Variants in CSMD1 observed in about 807,000 individuals in gnomAD.
CSMD1 encodes CUB and sushi domain-containing protein 1.
In CSMD1, 213 loss-of-function variants were observed where a neutral mutation model predicts 417.5. That is an observed-to-expected ratio of 0.51 (90% confidence interval 0.46 to 0.57). The LOEUF (loss-of-function observed/expected upper bound fraction) is 0.57, where lower values mean the gene tolerates loss of function less well. Among genes scored for constraint, CSMD1 ranks in the 20% least tolerant of loss-of-function variants. The probability of loss-of-function intolerance (pLI) is 0.00; values close to 1 mark genes in which losing one functional copy is unlikely to be tolerated. For missense variants in CSMD1, 6,923 were observed against 4,529.7 expected (o/e 1.53, Z -15.17); for synonymous variants, 2,862 against 1,736.8 (o/e 1.65, Z -16.11).
At chr8:3,293,090 T>G (rs373473258) in intron 25 of CSMD1, among the ~76,000 whole-genome samples, 1 of 152,156 alleles carries the variant, frequency 6.6e-6, no homozygotes, top group South Asian at 2.1e-4. Flanking sequence ...TTATGAAGCT[T>G]AGTTTGGCTG....
At chr8:3,398,114 A>G in intron 16 of CSMD1, among the ~76,000 whole-genome samples, 1 of 152,200 alleles carries the variant, frequency 6.6e-6, no homozygotes, top group East Asian at 1.9e-4. Context: ...GGCAACTGAA[A>G]ATAGAGGGCT....
At chr8:4,371,191 G>A (rs1452700601) in intron 3 of CSMD1, among the ~76,000 whole-genome samples, 1 of 152,114 alleles carries the variant, frequency 6.6e-6, no homozygotes, top group African/African-American at 2.4e-5. Flanking sequence ...TAGGGGTCAA[G>A]GCTCAGCTCC....
chr8:3,805,321 G>A (rs541916008), intron 5 of CSMD1, among the ~76,000 whole-genome samples: 4 of 152,212 alleles, frequency 2.6e-5, no homozygotes, highest in Non-Finnish European at 4.4e-5. Flanking sequence ...CAGCCTCAAA[G>A]GCAAGAAGCT....
At position 3,962,529 on chromosome 8, in the gene CSMD1, A is replaced by T. The variant is rs575931096; in HGVS notation, c.818+35374T>A. Among the ~76,000 whole-genome samples, 3 of 152,312 alleles carry T rather than the reference A, an allele frequency of 2.0e-5. No homozygotes were observed. In the East Asian group the frequency reaches 5.8e-4, roughly 29 times the overall value. ...AACCCCTATATTAACGTAATAGGCT[A>T]ATCGCAGGTAAGCAAAGTGTAGGGG... On this transcript the variant is annotated intron_variant, in intron 5 of 69. Transcript: ENST00000635120.
intron 7 of CSMD1, among the ~76,000 whole-genome samples, chr8:3,707,093 C>G (rs1404436910): frequency 6.6e-6 from 1 of 152,106 alleles, no homozygotes; most frequent in Non-Finnish European, 1.5e-5. Flanking sequence ...ACATGTTTAC[C>G]TCTCTGTCCT....
At chr8:2,948,295 T>C (rs1015402116) in intron 68 of CSMD1, among the ~76,000 whole-genome samples, 2 of 151,960 alleles carry the variant, frequency 1.3e-5, no homozygotes, top group African/African-American at 4.8e-5. Flanking sequence ...TATACTGAGA[T>C]TTAAGATGAA....
chr8:3,163,869 T>C (rs1820050530), intron 37 of CSMD1, among the ~76,000 whole-genome samples: 1 of 152,148 alleles, frequency 6.6e-6, no homozygotes, highest in Non-Finnish European at 1.5e-5. Context: ...GTGTCTGATA[T>C]TAAACAAAAG....
At chr8:4,383,978 C>G (rs1455790096) in intron 3 of CSMD1, among the ~76,000 whole-genome samples, 1 of 152,140 alleles carries the variant, frequency 6.6e-6, no homozygotes. Context: ...ACAGCATACC[C>G]TTTAAGTAGC....
In CSMD1 at chr8:4,629,882, T is replaced by C. The variant is rs182421953; in HGVS notation, c.302+7460A>G. On this transcript the variant is annotated intron_variant, in intron 2 of 69. Coordinates refer to ENST00000635120, the MANE Select transcript of CSMD1 (RefSeq NM_033225.6). The stretch of plus-strand genomic sequence containing the variant: ...TGTTCTTCTGTTCCCTTTGTGTAAA[T>C]CTGAATGCTTTTCCTTAGGCTTTAA... 4.0e-3 allele frequency among the ~76,000 whole-genome samples: 611 copies of C among 152,288 alleles called. 7 individuals are homozygous for C. The highest frequency in any genetic ancestry group is 0.014 in the African/African-American group (589 of 41,556).
chr8:4,187,001 T>G (rs188008938), intron 3 of CSMD1, among the ~76,000 whole-genome samples: 2 of 152,000 alleles, frequency 1.3e-5, no homozygotes, highest in Non-Finnish European at 1.5e-5. Context: ...TAAATAAAAA[T>G]AAAATAACAA....
chr8:3,904,233 T>G (rs574896737), intron 5 of CSMD1, among the ~76,000 whole-genome samples: 26 of 152,238 alleles, frequency 1.7e-4, no homozygotes, highest in African/African-American at 5.8e-4. Context: ...AGGAGCTGAG[T>G]TAGGGTAGAG....
chr8:2,992,394 T>A (rs1225156403), intron 54 of CSMD1, among the ~76,000 whole-genome samples: 2 of 152,082 alleles, frequency 1.3e-5, no homozygotes, highest in African/African-American at 4.8e-5. Flanking sequence ...TTAGAACGGT[T>A]AACTAGGTCG....
chr8:4,787,993 A>C (rs1477652156), intron 1 of CSMD1: 5 of 1,593,824 alleles, frequency 3.1e-6, no homozygotes, highest in Admixed American at 1.7e-5. Flanking sequence ...CAGAAAGACA[A>C]ACAGTGTTAT....
Position 4,450,178 on chromosome 8 carries a change from C to A in CSMD1, c.303-30113G>T, listed in dbSNP as rs541774706. Reference sequence around the variant, plus strand: ...AATGGTTGATATACGTAGAGTAAAACCGAACTGGGCAACAATTGAAGTTAC... The same window carrying A: ...AATGGTTGATATACGTAGAGTAAAAACGAACTGGGCAACAATTGAAGTTAC... On this transcript the variant is annotated intron_variant, in intron 2 of 69. Transcript: ENST00000635120. 7.2e-5 allele frequency among the ~76,000 whole-genome samples: 11 copies of A among 152,238 alleles called. No individual in the cohort carries two copies. In the East Asian group the frequency reaches 1.7e-3, roughly 24 times the overall value.
intron 5 of CSMD1, among the ~76,000 whole-genome samples, chr8:3,817,903 T>G (rs747578748): frequency 1.3e-5 from 2 of 152,190 alleles, no homozygotes; most frequent in Non-Finnish European, 2.9e-5. Flanking sequence ...AGATGCAGAT[T>G]CAGCCCTGTT....
At chr8:4,300,384 G>T (rs188616500) in intron 3 of CSMD1, among the ~76,000 whole-genome samples, 34 of 152,214 alleles carry the variant, frequency 2.2e-4, no homozygotes, top group African/African-American at 7.9e-4. Flanking sequence ...CTCAATATAT[G>T]CTCCATCAAC....
chr8:4,440,880 C>T (rs1010580950), intron 2 of CSMD1, among the ~76,000 whole-genome samples: 2 of 151,264 alleles, frequency 1.3e-5, no homozygotes, highest in African/African-American at 2.4e-5. Flanking sequence ...GCCTATAGTC[C>T]CAGCTACTTG....
intron 26 of CSMD1, among the ~76,000 whole-genome samples, chr8:3,255,658 C>T (rs1013988343): frequency 1.3e-5 from 2 of 152,182 alleles, no homozygotes. Flanking sequence ...GGCGTAGGAC[C>T]CTCTGAGCCA....
chr8:4,704,897 T>C (rs1294610213), intron 1 of CSMD1, among the ~76,000 whole-genome samples: 1 of 152,168 alleles, frequency 6.6e-6, no homozygotes, highest in African/African-American at 2.4e-5. Context: ...AGAAAACTGC[T>C]TAATTTTGTT....
Sources: allele counts gnomAD v4.1 joint callset (sites outside exome capture counted in the v4.1 genomes callset), GRCh38; gene constraint gnomAD v4.1.1; transcripts MANE v1.5; gene names NCBI Gene and HGNC (gene_info 2026-07-23, HGNC 2026-07-21).